CCDC154: variants seen among roughly 807,000 people sequenced by gnomAD.
CCDC154 encodes the protein coiled-coil domain-containing protein 154.
CCDC154 carries 91 observed loss-of-function variants against 87.5 expected under a neutral mutation model. The observed-to-expected ratio is 1.04, with a 90% confidence interval of 0.88 to 1.24. CCDC154 has a LOEUF of 1.24. Among genes scored for constraint, CCDC154 ranks in the 50% most tolerant of loss-of-function variants. The pLI, the probability that CCDC154 is intolerant of heterozygous loss-of-function variation, is 0.00. For missense variants in CCDC154, 903 were observed against 879.2 expected, an observed-to-expected ratio of 1.03 and a Z score of -0.34; for synonymous variants, 418 against 400.4, an observed-to-expected ratio of 1.04 and a Z score of -0.52.
At chr16:1,443,747 G>C (rs563152277) in intron 2 of CCDC154, 49 bp downstream of exon 2, 1 of 1,303,930 alleles carries the variant, frequency 7.7e-7, no homozygotes, top group South Asian at 1.2e-5. Flanking sequence ...TGGAGGCGGA[G>C]GCGGCGGCGA....
At chr16:1,444,046 G>T (rs769317211) in intron 1 of CCDC154, 34 bp from the exon 2 acceptor site, 7 of 1,286,384 alleles carry the variant, frequency 5.4e-6, no homozygotes, top group Non-Finnish European at 7.1e-6. Flanking sequence ...TTGCCCCTTG[G>T]GGCCCGGCCC....
chr16:1,434,811 C>A lies in CCDC154; in HGVS notation c.1734G>T (p.Arg578=). The A allele has an allele frequency of 1.3e-6, 2 of 1,534,728 alleles. No homozygotes were observed. The highest frequency in any genetic ancestry group is 1.7e-6 in the Non-Finnish European group (2 of 1,143,728). Reference sequence around the variant, plus strand: ...TCCGCGGGCCCTCCTCACTCCACAGCCGGAGCACACTCTCCCACAGGGTGG... The same window carrying A: ...TCCGCGGGCCCTCCTCACTCCACAGACGGAGCACACTCTCCCACAGGGTGG... ...EMATLWESVL[R]LWSEEGPRTP... is the part of the protein sequence containing the mutation. The change falls in exon 16 of 17, where the codon CGG becomes CGT. Residue 578 remains arginine, a synonymous_variant. Transcript: ENST00000389176.
intron 1 of CCDC154, 32 bp downstream of exon 1, chr16:1,444,284 C>G: frequency 7.7e-7 from 1 of 1,301,424 alleles, no homozygotes; most frequent in Non-Finnish European, 1.0e-6. Flanking sequence ...TGGCAAGCCC[C>G]TCCCTGGGCC....
intron 6 of CCDC154, among the ~76,000 whole-genome samples, chr16:1,441,779 G>C (rs1165375701): frequency 2.6e-5 from 4 of 152,134 alleles, no homozygotes; most frequent in Non-Finnish European, 5.9e-5. Context: ...TGGCAACTGA[G>C]CTTTTTTTTG....
Position 1,443,815 on chromosome 16 carries a change from A to G in CCDC154, c.205T>C (p.Trp69Arg). 1.5e-6 allele frequency: 2 copies of G among 1,304,714 alleles called. No homozygotes were observed. The highest frequency in any genetic ancestry group is 2.0e-6 in the Non-Finnish European group (2 of 989,388). The allele number at this position is 1,304,714 out of a possible 1,614,324, so 80.8% of individuals were successfully genotyped here. ...SVPEQDTAKH[W>R]NQLEQWVVEL... is the part of the protein sequence containing the mutation. ...GCTCACCACTGCTCCAGCTGGTTCC[A>G]GTGCTTGGCGGTGTCCTGCTCGGGG... Residue 69 changes from tryptophan to arginine, a missense_variant, in exon 2 of 17, where the codon TGG becomes CGG. By Grantham distance (101) the Trp-to-Arg change is moderately radical. Coordinates refer to ENST00000389176, the MANE Select transcript of CCDC154 (RefSeq NM_001143980.3).
Position 1,438,048 on chromosome 16 carries a change from A to G in CCDC154, c.1152+2T>C, listed in dbSNP as rs2038518039. 2.6e-6 allele frequency: 4 copies of G among 1,547,150 alleles called. No homozygotes were observed. The highest frequency in any genetic ancestry group is 3.5e-6 in the Non-Finnish European group (4 of 1,145,214). ...TGGGGACATGTTGCGCTACCCCCTC[A>G]CCAGCACCAGCTCTCCATGCATCTC... On this transcript the variant is annotated splice_donor_variant, in intron 10 of 16. Transcript: ENST00000389176. LOFTEE classifies it high-confidence loss of function.
intron 6 of CCDC154, 142 bp downstream of exon 6, chr16:1,442,264 A>T: frequency 1.9e-6 from 2 of 1,050,518 alleles, no homozygotes; most frequent in Non-Finnish European, 2.6e-6. Context: ...ATTGAGTTTT[A>T]CATTGTCTAC....
intron 16 of CCDC154, 56 bp from the exon 17 acceptor site, chr16:1,434,590 ACC>A: frequency 1.1e-6 from 1 of 916,960 alleles, no homozygotes; most frequent in Non-Finnish European, 1.5e-6. Flanking sequence ...CCCATGGCCC[ACC>A]TGCTGCCTGT....
intron 5 of CCDC154, 76 bp downstream of exon 5, chr16:1,442,804 G>T: frequency 7.1e-7 from 1 of 1,401,906 alleles, no homozygotes; most frequent in Non-Finnish European, 9.7e-7. Context: ...AGGGGGACCC[G>T]TGTCTTGGCT....
intron 5 of CCDC154, 86 bp from the exon 6 acceptor site, chr16:1,442,615 A>T: frequency 7.1e-7 from 1 of 1,410,076 alleles, no homozygotes; most frequent in Non-Finnish European, 9.4e-7. Flanking sequence ...GCCAGGCAGG[A>T]GGTGTACGAC....
chr16:1,444,405 G>A lies in CCDC154; in HGVS notation c.-83C>T. ...CTGAGGTTGCCCAGAGCTGGGCACA[G>A]GCCAGGGGGGTCAGGAGCCAGAGGA... On this transcript the variant is annotated 5_prime_UTR_variant, in exon 1 of 17. Transcript: ENST00000389176. 8.1e-7 allele frequency: 1 copy of A among 1,238,540 alleles called. No homozygotes were observed. Among genetic ancestry groups the A allele is most frequent in the Non-Finnish European group, 1.0e-6 (1 of 953,596 alleles). The allele number at this position is 1,238,540 out of a possible 1,614,324, so 76.7% of individuals were successfully genotyped here.
chr16:1,443,371 C>T (rs145232343), intron 3 of CCDC154, 70 bp from the exon 4 acceptor site: 69,818 of 1,503,684 alleles, frequency 0.046, 1,930 homozygotes, highest in Middle Eastern at 0.063. Context: ...TGGAGTCCAC[C>T]CAGCTCCGGC....
chr16:1,437,512 C>T (rs1385337690), intron 11 of CCDC154: 2 of 383,606 alleles, frequency 5.2e-6, no homozygotes, highest in African/African-American at 2.1e-5. Context: ...AACAAGAGCA[C>T]GAGGGGTGGA....
intron 11 of CCDC154, 128 bp from the exon 12 acceptor site, chr16:1,436,939 C>T: frequency 1.5e-6 from 2 of 1,299,002 alleles, no homozygotes; most frequent in South Asian, 1.4e-5. Flanking sequence ...GACATTTGTG[C>T]ACAGGCCTGC....
chr16:1,442,908 T>C lies in CCDC154; in HGVS notation c.523A>G (p.Arg175Gly). ...AGGCCGGCCTCTTGCTCGGCGCCCCTTCTCTCCGCCTCCTGTTGCACCTGC... is the reference window on the plus strand; with the variant it reads ...AGGCCGGCCTCTTGCTCGGCGCCCCCTCTCTCCGCCTCCTGTTGCACCTGC... ...RRQVQQEAER[R>G]GAEQEAGLRL... Residue 175 changes from arginine to glycine, a missense_variant, in exon 5 of 17, where the codon AGG (arginine) becomes GGG (glycine). Arg to Gly is a moderately radical substitution (Grantham distance 125). Coordinates refer to ENST00000389176, the MANE Select transcript of CCDC154 (RefSeq NM_001143980.3). 1 of 1,524,566 alleles carries C rather than the reference T, an allele frequency of 6.6e-7. No homozygotes were observed. The highest frequency in any genetic ancestry group is 8.8e-7 in the Non-Finnish European group (1 of 1,131,938). 94.4% of individuals were successfully genotyped at this position (1,524,566 alleles called of 1,614,324 possible).
At chr16:1,443,470 G>A in intron 3 of CCDC154, 36 bp downstream of exon 3, 2 of 1,437,420 alleles carry the variant, frequency 1.4e-6, no homozygotes, top group Non-Finnish European at 1.8e-6. Flanking sequence ...ACCCAGGAAA[G>A]GGGCAGCTCG....
chr16:1,442,611 C>T, intron 5 of CCDC154, 82 bp from the exon 6 acceptor site: 1 of 1,431,904 alleles, frequency 7.0e-7, no homozygotes, highest in South Asian at 1.5e-5. Context: ...GCTGGCCAGG[C>T]AGGAGGTGTA....
chr16:1,442,877 C>T lies in CCDC154; in HGVS notation c.551+3G>A, dbSNP rs1289879172. On this transcript the variant is annotated splice_donor_region_variant and intron_variant, in intron 5 of 16. Transcript: ENST00000389176. ...GAGCCAGCCACGGGCGGTGGGCGCC[C>T]ACCTGAGGCCGGCCTCTTGCTCGGC... 3.6e-5 allele frequency: 56 copies of T among 1,548,500 alleles called. No homozygotes were observed. The highest frequency in any genetic ancestry group is 4.8e-5 in the Non-Finnish European group (55 of 1,146,398).
chr16:1,441,508 G>T (rs2038551613), intron 6 of CCDC154, among the ~76,000 whole-genome samples: 1 of 152,190 alleles, frequency 6.6e-6, no homozygotes, highest in Admixed American at 6.5e-5. Context: ...GGAGGCCCCT[G>T]CTGAGGCCAC....
Sources: gnomAD v4.1 joint callset for allele counts (sites outside exome capture counted in the v4.1 genomes callset) on GRCh38, gnomAD v4.1.1 for gene constraint, MANE v1.5 for transcripts, NCBI Gene and HGNC (gene_info 2026-07-23, HGNC 2026-07-21) for gene names.